Variants in GSAP observed in about 807,000 individuals in gnomAD.
GSAP encodes gamma-secretase activating protein.
In GSAP, 118 loss-of-function variants were observed where a neutral mutation model predicts 131.7. The ratio of observed to expected loss-of-function variants is 0.90; its 90% CI spans 0.77 to 1.04. GSAP has a LOEUF of 1.04. Ranked by LOEUF, GSAP falls within the 50% of genes least tolerant of loss-of-function variation. GSAP has a pLI of 0.00. For missense variants in GSAP, 1,019 were observed against 1,013.2 expected, an observed-to-expected ratio of 1.01 and a Z score of -0.08; for synonymous variants, 381 against 363.4, an observed-to-expected ratio of 1.05 and a Z score of -0.55.
At chr7:77,362,313 C>A (rs1250074509) in intron 13 of GSAP, among the ~76,000 whole-genome samples, 1 of 152,082 alleles carries the variant, frequency 6.6e-6, no homozygotes, top group African/African-American at 2.4e-5. Context: ...ATGGTGAAAC[C>A]CCATCTCCAC....
At chr7:77,355,144 TTCAA>T in intron 16 of GSAP, 65 bp downstream of exon 16, 2 of 1,046,744 alleles carry the variant, frequency 1.9e-6, no homozygotes, top group East Asian at 4.8e-5. Context: ...CCTGACCATT[TTCAA>T]CCACAAAATA....
chr7:77,369,891 A>T (rs1003385080), intron 12 of GSAP, among the ~76,000 whole-genome samples: 4 of 146,992 alleles, frequency 2.7e-5, no homozygotes, highest in African/African-American at 7.8e-5. Flanking sequence ...GAAGCATCTC[A>T]TTTGAAACAC....
intron 10 of GSAP, among the ~76,000 whole-genome samples, chr7:77,376,558 G>A (rs1036108093): frequency 2.0e-5 from 3 of 152,030 alleles, no homozygotes; most frequent in Admixed American, 6.6e-5. Flanking sequence ...GGTGGATCAC[G>A]AGGTAAGGAG....
intron 19 of GSAP, 83 bp downstream of exon 19, chr7:77,349,268 C>T: frequency 9.1e-7 from 1 of 1,102,098 alleles, no homozygotes; most frequent in Non-Finnish European, 1.4e-6. Flanking sequence ...AATTTGCAAT[C>T]CCTTTTGGAA....
chr7:77,373,850 T>C (rs1796467195), intron 12 of GSAP, among the ~76,000 whole-genome samples: 1 of 152,212 alleles, frequency 6.6e-6, no homozygotes, highest in South Asian at 2.1e-4. Flanking sequence ...TAATAACTAC[T>C]AGAAGAATAA....
chr7:77,355,786 C>CGTTTTTT, intron 14 of GSAP, 139 bp from the exon 15 acceptor site: 3 of 305,334 alleles, frequency 9.8e-6, no homozygotes, highest in South Asian at 5.0e-5. Context: ...AATGACAGCC[C>CGTTTTTT]GTTTTTTTTT....
intron 25 of GSAP, 65 bp from the exon 26 acceptor site, chr7:77,320,884 A>G: frequency 2.0e-6 from 2 of 987,014 alleles, no homozygotes; most frequent in Non-Finnish European, 1.6e-6. Context: ...CATTTGTCCT[A>G]AGCAGTGGCT....
At position 77,343,923 on chromosome 7, in the gene GSAP, A is replaced by G. The variant is rs139215166; in HGVS notation, c.1545+5428T>C. 1.9e-3 allele frequency among the ~76,000 whole-genome samples: 295 copies of G among 152,220 alleles called. 3 individuals are homozygous for G. The highest frequency in any genetic ancestry group is 3.4e-3 in the Middle Eastern group (1 of 294). On this transcript the variant is annotated intron_variant, in intron 19 of 30. Transcript: ENST00000257626. Reference sequence around the variant, plus strand: ...ATCACTTCTCAGTGTTCCATCTGCTATTCTACTACTCTTCAGGGATTGTTT... The same window carrying G: ...ATCACTTCTCAGTGTTCCATCTGCTGTTCTACTACTCTTCAGGGATTGTTT...
intron 3 of GSAP, among the ~76,000 whole-genome samples, chr7:77,402,924 G>A (rs1166218152): frequency 6.6e-6 from 1 of 152,080 alleles, no homozygotes; most frequent in Non-Finnish European, 1.5e-5. Context: ...CACTCTGGAG[G>A]GAACCTATCA....
chr7:77,390,674 A>C (rs959763870), intron 5 of GSAP, among the ~76,000 whole-genome samples: 4 of 152,176 alleles, frequency 2.6e-5, no homozygotes, highest in Non-Finnish European at 5.9e-5. Flanking sequence ...TAATGGGTGC[A>C]GCACACCATC....
rs776312047 is a variant in GSAP at position 77,352,926 on chromosome 7, T to C, written c.1491+18A>G. The stretch of plus-strand genomic sequence containing the variant: ...GAATTGATTTTATTTGCATACAGCA[T>C]ACACAGTGTTAACTTACTGTATTCC... On this transcript the variant is annotated intron_variant, in intron 18 of 30. Coordinates refer to ENST00000257626, the MANE Select transcript of GSAP (RefSeq NM_017439.4). The C allele has an allele frequency of 1.4e-6, 2 of 1,394,048 alleles. No homozygotes were observed. Among genetic ancestry groups the C allele is most frequent in the Non-Finnish European group, 1.0e-6 (1 of 979,880 alleles). 86.4% of individuals were successfully genotyped at this position (1,394,048 alleles called of 1,614,324 possible). A position where few individuals can be genotyped will look rare whatever the true frequency, so the allele number is the denominator to read the frequency against.
At chr7:77,335,103 A>C (rs1252383169) in intron 19 of GSAP, among the ~76,000 whole-genome samples, 1 of 151,772 alleles carries the variant, frequency 6.6e-6, no homozygotes, top group African/African-American at 2.4e-5. Context: ...AAAAAGAAAA[A>C]AAGAAACATA....
chr7:77,388,267 CAG>C (rs1238011562), intron 5 of GSAP, among the ~76,000 whole-genome samples: 1 of 152,220 alleles, frequency 6.6e-6, no homozygotes, highest in Non-Finnish European at 1.5e-5. Flanking sequence ...TAAACAAACA[CAG>C]TGCGATTCTC....
At chr7:77,344,030 G>A (rs945226299) in intron 19 of GSAP, among the ~76,000 whole-genome samples, 112 of 152,240 alleles carry the variant, frequency 7.4e-4, no homozygotes, top group African/African-American at 2.6e-3. Context: ...TCACATGCCC[G>A]GAGTCAGGAA....
At position 77,381,349 on chromosome 7, in the gene GSAP, C is replaced by T. The variant is rs372302389; in HGVS notation, c.532G>A (p.Glu178Lys). 4 of 1,507,058 alleles carry T rather than the reference C, an allele frequency of 2.7e-6. No homozygotes were observed. In the African/African-American group the frequency reaches 4.3e-5, roughly 16 times the overall value. The allele number at this position is 1,507,058 out of a possible 1,614,324, so 93.4% of individuals were successfully genotyped here. ...LLLISEEKYI[E>K]QFRIHVAQED... ...TGGGCGACATGGATACGAAATTGTT[C>T]AATATCTTTAAAAGAAAAACAAAGA... Residue 178 changes from glutamate (E) to lysine (K), a missense_variant, in exon 8 of 31, where the codon GAA becomes AAA. Coordinates refer to ENST00000257626, the MANE Select transcript of GSAP (RefSeq NM_017439.4).
chr7:77,314,603 C>T (rs1197818499), intron 26 of GSAP, 114 bp from the exon 27 acceptor site: 2 of 1,130,626 alleles, frequency 1.8e-6, no homozygotes, highest in African/African-American at 3.1e-5. Flanking sequence ...GTGCCTGGAA[C>T]CAACTGAATT....
rs543316482 is a variant in GSAP at position 77,325,439 on chromosome 7, T to C, written c.1827+773A>G. Among the ~76,000 whole-genome samples, 64 of 152,354 alleles carry C rather than the reference T, an allele frequency of 4.2e-4. 1 individual carries two copies. The South Asian group carries it at 0.013, about 31-fold the overall frequency. ...TTTCCAGATGTCTCTTTAATCAGCT[T>C]TTTAAAGGTTTTGGATTTATTTACA... is the stretch of plus-strand genomic sequence containing the variant. On this transcript the variant is annotated intron_variant, in intron 23 of 30. Transcript: ENST00000257626.
Position 77,397,384 on chromosome 7 carries a change from A to T in GSAP, c.275T>A (p.Val92Asp), listed in dbSNP as rs376710547. The change falls in exon 4 of 31, where the codon GTT (valine) becomes GAT (aspartate). Residue 92 changes from valine (V) to aspartate (D), a missense_variant. Coordinates refer to ENST00000257626, the MANE Select transcript of GSAP (RefSeq NM_017439.4). The stretch of plus-strand genomic sequence containing the variant: ...TTCACTGTTGACAGAGCAACTGAAA[A>T]CTTGCAAGTCTTTCTCAAAGGTATA... The part of the protein sequence containing the change: ...LLYTFEKDLQ[V>D]FSCSVNSERT... 64 of 1,605,696 alleles carry T rather than the reference A, an allele frequency of 4.0e-5. No individual in the cohort carries two copies. Among genetic ancestry groups the T allele is most frequent in the Non-Finnish European group, 5.2e-5 (61 of 1,173,870 alleles).
chr7:77,355,504 C>T, intron 15 of GSAP, 51 bp downstream of exon 15: 1 of 1,520,974 alleles, frequency 6.6e-7, no homozygotes, highest in Non-Finnish European at 9.1e-7. Flanking sequence ...ATATTAAAGT[C>T]AAAACAAACT....
Sources: gnomAD v4.1 joint callset for allele counts (sites outside exome capture counted in the v4.1 genomes callset) on GRCh38, gnomAD v4.1.1 for gene constraint, MANE v1.5 for transcripts, NCBI Gene and HGNC (gene_info 2026-07-23, HGNC 2026-07-21) for gene names.